The following SNX29 variants were observed in gnomAD, a reference collection of about 807,000 sequenced individuals.
SNX29 encodes the protein sorting nexin-29.
SNX29 carries 78 observed loss-of-function variants against 102.1 expected under a neutral mutation model. The observed-to-expected ratio is 0.76, with a 90% CI of 0.64 to 0.92. The LOEUF (loss-of-function observed/expected upper bound fraction) is 0.92. SNX29 is among the 40% of genes least tolerant of loss of function. The pLI, the probability that SNX29 is intolerant of heterozygous loss-of-function variation, is 0.00. For missense variants in SNX29, 1,280 were observed against 1,061.7 expected (o/e 1.21, Z -2.86); for synonymous variants, 580 against 414.5 (o/e 1.40, Z -4.85).
At chr16:12,434,737 G>A (rs1251355300) in intron 18 of SNX29, among the ~76,000 whole-genome samples, 1 of 152,102 alleles carries the variant, frequency 6.6e-6, no homozygotes, top group African/African-American at 2.4e-5. Context: ...ATCCAGGACA[G>A]TACAGGTCAG....
chr16:12,571,035 T>TC lies in SNX29; in HGVS notation c.*2408dup. ...AGTCATCTCGCAGATCCAGACCATC[T>TC]CCTCTCATTCTCACTCTAAAAATGC... On this transcript the variant is annotated 3_prime_UTR_variant, in exon 21 of 21. Coordinates refer to ENST00000566228, the MANE Select transcript of SNX29 (RefSeq NM_032167.5). 1 of 232,724 alleles carries TC rather than the reference T, an allele frequency of 4.3e-6. No homozygotes were observed. Among genetic ancestry groups the TC allele is most frequent in the Non-Finnish European group, 8.5e-6 (1 of 117,726 alleles). The allele number at this position is 232,724 out of a possible 1,614,324, so 14.4% of individuals were successfully genotyped here. A position where few individuals can be genotyped will look rare whatever the true frequency, so the allele number is the denominator to read the frequency against.
chr16:12,083,812 C>T (rs761659209), intron 11 of SNX29, among the ~76,000 whole-genome samples: 29 of 152,212 alleles, frequency 1.9e-4, no homozygotes, highest in African/African-American at 4.8e-4. Flanking sequence ...CACAAAGCAG[C>T]GAATGCTTCA....
chr16:12,568,046 C>T (rs1250693139), intron 20 of SNX29, among the ~76,000 whole-genome samples: 2 of 152,172 alleles, frequency 1.3e-5, no homozygotes, highest in East Asian at 1.9e-4. Flanking sequence ...AGCCTAGGGC[C>T]TGATTATTTT....
At chr16:12,561,919 C>G (rs1020194530) in intron 20 of SNX29, among the ~76,000 whole-genome samples, 5 of 152,170 alleles carry the variant, frequency 3.3e-5, no homozygotes, top group African/African-American at 1.2e-4. Flanking sequence ...CTCCAGTTGC[C>G]TTCCAGGTGA....
chr16:12,554,571 C>T (rs1309372460), intron 20 of SNX29, among the ~76,000 whole-genome samples: 2 of 152,226 alleles, frequency 1.3e-5, no homozygotes, highest in Non-Finnish European at 2.9e-5. Flanking sequence ...TTTCTTAAAG[C>T]TGACACCAAG....
intron 16 of SNX29, chr16:12,367,279 A>G (rs1246984437): frequency 6.6e-6 from 1 of 152,216 alleles, no homozygotes; most frequent in Non-Finnish European, 1.5e-5. Flanking sequence ...GGAACACGTA[A>G]TCACTCAGGG....
chr16:12,162,498 A>G (rs575408354), intron 13 of SNX29, among the ~76,000 whole-genome samples: 1 of 152,386 alleles, frequency 6.6e-6, no homozygotes, highest in Non-Finnish European at 1.5e-5. Context: ...GTAGCAAGAA[A>G]GCTGCCAGAG....
intron 20 of SNX29, among the ~76,000 whole-genome samples, chr16:12,554,769 C>CT (rs1237118529): frequency 6.6e-6 from 1 of 150,864 alleles, no homozygotes; most frequent in African/African-American, 2.5e-5. Flanking sequence ...CGTGCTCTCT[C>CT]CCCCGCCATA....
chr16:12,382,509 C>T (rs1375626391), intron 16 of SNX29, among the ~76,000 whole-genome samples: 1 of 152,190 alleles, frequency 6.6e-6, no homozygotes, highest in African/African-American at 2.4e-5. Context: ...ATATCTACTC[C>T]TTAGGAGGAT....
intron 11 of SNX29, among the ~76,000 whole-genome samples, chr16:12,126,222 T>G (rs1165156270): frequency 2.0e-5 from 3 of 152,246 alleles, no homozygotes; most frequent in Non-Finnish European, 4.4e-5. Flanking sequence ...CTGCAAAGAC[T>G]TGTAGTGATA....
At chr16:12,546,583 C>A (rs1343576895) in intron 20 of SNX29, 1 of 152,114 alleles carries the variant, frequency 6.6e-6, no homozygotes, top group African/African-American at 2.4e-5. Flanking sequence ...GGCTGTGTCC[C>A]CACCCAAGGA....
intron 18 of SNX29, among the ~76,000 whole-genome samples, chr16:12,407,594 A>G (rs1343374889): frequency 3.3e-5 from 5 of 152,234 alleles, no homozygotes; most frequent in Non-Finnish European, 7.3e-5. Context: ...TATAATAATT[A>G]GTAGCCACCT....
chr16:12,547,251 C>G lies in SNX29; in HGVS notation c.2319-21255C>G, dbSNP rs538923662. Among the ~76,000 whole-genome samples, 403 of 152,298 alleles carry G rather than the reference C, an allele frequency of 2.6e-3. 1 individual carries two copies. Among genetic ancestry groups the G allele is most frequent in the African/African-American group, 9.5e-3 (394 of 41,560 alleles). ...AGCCAGGCAGTGGACACAGCAGGTG[C>G]AAAGGTCCTGCAGCCTTGAAGAGTT... On this transcript the variant is annotated intron_variant, in intron 20 of 20. Transcript: ENST00000566228.
At chr16:12,298,996 T>TAAAA (rs371181294) in intron 15 of SNX29, among the ~76,000 whole-genome samples, 2 of 139,906 alleles carry the variant, frequency 1.4e-5, no homozygotes, top group African/African-American at 5.3e-5. Flanking sequence ...AATGAGTCTT[T>TAAAA]AAAAAAAAAA....
At chr16:12,310,868 C>T (rs78006139) in intron 15 of SNX29, among the ~76,000 whole-genome samples, 115 of 152,212 alleles carry the variant, frequency 7.6e-4, no homozygotes, top group African/African-American at 2.6e-3. Context: ...CAGTGCCCTG[C>T]TGCAGGAAAA....
intron 18 of SNX29, among the ~76,000 whole-genome samples, chr16:12,445,905 C>G (rs2086026090): frequency 1.3e-5 from 2 of 152,202 alleles, no homozygotes; most frequent in Non-Finnish European, 2.9e-5. Context: ...GCCACTTCCC[C>G]AAGGACACTA....
intron 19 of SNX29, among the ~76,000 whole-genome samples, chr16:12,498,023 A>G (rs936450313): frequency 1.2e-4 from 18 of 152,226 alleles, no homozygotes; most frequent in African/African-American, 4.3e-4. Flanking sequence ...AGCAGGCAAA[A>G]TATCAAGGGG....
chr16:12,386,539 A>G (rs2083347729), intron 16 of SNX29, among the ~76,000 whole-genome samples: 1 of 152,176 alleles, frequency 6.6e-6, no homozygotes, highest in Non-Finnish European at 1.5e-5. Context: ...CCACTGGCCA[A>G]CCAGAATACT....
chr16:12,228,895 G>T (rs1052024350), intron 14 of SNX29, among the ~76,000 whole-genome samples: 2 of 152,222 alleles, frequency 1.3e-5, no homozygotes, highest in African/African-American at 2.4e-5. Flanking sequence ...TGCGGGGCAG[G>T]CTGCCTCCCT....
Sources: allele counts gnomAD v4.1 joint callset (sites outside exome capture counted in the v4.1 genomes callset), GRCh38; gene constraint gnomAD v4.1.1; transcripts MANE v1.5; gene names NCBI Gene and HGNC (gene_info 2026-07-23, HGNC 2026-07-21).